The following NUDCD3 variants were observed in gnomAD, a reference collection of about 807,000 sequenced individuals.
The protein encoded by NUDCD3 is nudC domain-containing protein 3.
In NUDCD3, 13 loss-of-function variants were observed where a neutral mutation model predicts 39.7. The ratio of observed to expected loss-of-function variants is 0.33; its 90% confidence interval spans 0.21 to 0.52. NUDCD3 has a LOEUF of 0.52. NUDCD3 is among the 20% of genes least tolerant of loss of function. The pLI is 0.96. For missense variants in NUDCD3, 453 were observed against 458.1 expected (o/e 0.99, Z 0.10); for synonymous variants, 175 against 172.4 (o/e 1.02, Z -0.12).
intron 2 of NUDCD3, among the ~76,000 whole-genome samples, chr7:44,474,863 G>A (rs1800330939): frequency 6.6e-6 from 1 of 152,148 alleles, no homozygotes; most frequent in Non-Finnish European, 1.5e-5. Flanking sequence ...CAGTTTCAGG[G>A]TGAATCACTG....
At chr7:44,434,566 C>A (rs948908418) in intron 2 of NUDCD3, among the ~76,000 whole-genome samples, 3 of 152,208 alleles carry the variant, frequency 2.0e-5, no homozygotes, top group African/African-American at 7.2e-5. Context: ...ACCCCCCCGC[C>A]CCGCAATATC....
At chr7:44,394,947 CCCA>C (rs1168292392) in intron 4 of NUDCD3, among the ~76,000 whole-genome samples, 1 of 152,146 alleles carries the variant, frequency 6.6e-6, no homozygotes, top group Non-Finnish European at 1.5e-5. Flanking sequence ...GAGCCACCTG[CCCA>C]ACAGGAAGGA....
intron 3 of NUDCD3, among the ~76,000 whole-genome samples, chr7:44,416,546 A>G (rs1434483299): frequency 6.6e-6 from 1 of 152,198 alleles, no homozygotes; most frequent in African/African-American, 2.4e-5. Flanking sequence ...TAAGAATGAC[A>G]TGGGGAAAAA....
At chr7:44,418,278 T>G (rs1020510902) in intron 3 of NUDCD3, among the ~76,000 whole-genome samples, 1 of 152,134 alleles carries the variant, frequency 6.6e-6, no homozygotes, top group African/African-American at 2.4e-5. Context: ...GCAAGCCAAG[T>G]TGCCCCCACC....
chr7:44,465,847 TA>T (rs960893504), intron 2 of NUDCD3, among the ~76,000 whole-genome samples: 1 of 151,824 alleles, frequency 6.6e-6, no homozygotes, highest in African/African-American at 2.4e-5. Flanking sequence ...AAACACCAGT[TA>T]AAAAAAATAA....
At chr7:44,425,194 C>T (rs141530831) in intron 3 of NUDCD3, among the ~76,000 whole-genome samples, 109 of 151,870 alleles carry the variant, frequency 7.2e-4, no homozygotes, top group Non-Finnish European at 1.2e-3. Flanking sequence ...CTAATGCATG[C>T]GGGGCTTAAA....
intron 3 of NUDCD3, among the ~76,000 whole-genome samples, chr7:44,415,410 G>A (rs1038992102): frequency 1.3e-5 from 2 of 152,160 alleles, no homozygotes; most frequent in African/African-American, 4.8e-5. Flanking sequence ...TGATGGAAAA[G>A]ACCTAACCAC....
At chr7:44,412,190 C>G (rs1798939697) in intron 3 of NUDCD3, among the ~76,000 whole-genome samples, 1 of 152,180 alleles carries the variant, frequency 6.6e-6, no homozygotes, top group Non-Finnish European at 1.5e-5. Flanking sequence ...GATACACATG[C>G]AAGTACACTG....
chr7:44,424,711 A>G (rs1414477200), intron 3 of NUDCD3, among the ~76,000 whole-genome samples: 1 of 152,216 alleles, frequency 6.6e-6, no homozygotes, highest in African/African-American at 2.4e-5. Context: ...TAGTTCAACC[A>G]TTGTGGAAGA....
chr7:44,408,358 G>A (rs1016309303), intron 3 of NUDCD3, among the ~76,000 whole-genome samples: 2 of 152,272 alleles, frequency 1.3e-5, no homozygotes, highest in African/African-American at 4.8e-5. Context: ...TACCAGGAGT[G>A]TAGCTATACA....
chr7:44,477,038 G>A (rs1800385810), intron 2 of NUDCD3, among the ~76,000 whole-genome samples: 1 of 152,124 alleles, frequency 6.6e-6, no homozygotes, highest in Admixed American at 6.5e-5. Context: ...CCCTTCCCAA[G>A]AAGCACCGAG....
chr7:44,389,886 G>A (rs1461013566), intron 5 of NUDCD3, among the ~76,000 whole-genome samples: 2 of 152,152 alleles, frequency 1.3e-5, no homozygotes, highest in Non-Finnish European at 2.9e-5. Flanking sequence ...AAAGGCTGGT[G>A]GAGCCCCTGA....
At chr7:44,452,147 A>G (rs370912705) in intron 2 of NUDCD3, among the ~76,000 whole-genome samples, 2 of 152,234 alleles carry the variant, frequency 1.3e-5, no homozygotes, top group African/African-American at 4.8e-5. Context: ...AACAGGAGTT[A>G]GAGTCCCAGG....
chr7:44,440,510 A>AAAAAAAAAAAAAAAAAAAAAAAAAAAC, intron 2 of NUDCD3, among the ~76,000 whole-genome samples: 1 of 151,086 alleles, frequency 6.6e-6, no homozygotes. Flanking sequence ...AAAAAAAAAA[A>AAAAAAAAAAAAAAAAAAAAAAAAAAAC]AAAAAAGCCT....
At chr7:44,468,373 A>G in intron 2 of NUDCD3, 2 of 1,207,210 alleles carry the variant, frequency 1.7e-6, no homozygotes, top group Non-Finnish European at 2.3e-6. Flanking sequence ...AAAAAAAAGA[A>G]AAGAAAACTA....
chr7:44,488,279 G>T (rs1306831340), intron 1 of NUDCD3, among the ~76,000 whole-genome samples: 1 of 149,238 alleles, frequency 6.7e-6, no homozygotes, highest in Non-Finnish European at 1.5e-5. Flanking sequence ...AGGTTGCAGT[G>T]AGCTGAGATC....
intron 2 of NUDCD3, among the ~76,000 whole-genome samples, chr7:44,480,941 C>CAAAAAAAA (rs1164765600): frequency 4.0e-4 from 14 of 34,840 alleles, no homozygotes; most frequent in Admixed American, 5.6e-4. Flanking sequence ...GACCCAGTAT[C>CAAAAAAAA]AAAAAAAAAA....
chr7:44,418,204 C>T (rs1028333060), intron 3 of NUDCD3, among the ~76,000 whole-genome samples: 3 of 152,282 alleles, frequency 2.0e-5, no homozygotes, highest in South Asian at 2.1e-4. Context: ...TTCACACCTA[C>T]CCAGCCGAGG....
Position 44,469,224 on chromosome 7 carries a change from G to A in NUDCD3, c.509+15744C>T, listed in dbSNP as rs556229892. On this transcript the variant is annotated intron_variant, in intron 2 of 5. Transcript: ENST00000355451. ...CCCTATGAGGAAGTGACTTTGAAAC[G>A]ACCCATCTGCTTTTTGTTCTCTGTG... is the stretch of plus-strand genomic sequence containing the variant. Among the ~76,000 whole-genome samples the A allele has an allele frequency of 1.4e-4, 21 of 148,154 alleles. No individual in the cohort carries two copies. In the East Asian group the frequency reaches 3.4e-3, roughly 24 times the overall value.
Sources: gnomAD v4.1 joint callset for allele counts (sites outside exome capture counted in the v4.1 genomes callset) on GRCh38, gnomAD v4.1.1 for gene constraint, MANE v1.5 for transcripts, NCBI Gene and HGNC (gene_info 2026-07-23, HGNC 2026-07-21) for gene names.